Variants in FMNL2 observed in about 807,000 individuals in gnomAD.
FMNL2 encodes formin-like protein 2.
Under a neutral mutation model 130.2 loss-of-function variants are expected in FMNL2, and 51 were observed. The observed-to-expected ratio is 0.39, with a 90% CI of 0.31 to 0.49. The LOEUF (loss-of-function observed/expected upper bound fraction) is 0.49. Ranked by LOEUF, FMNL2 falls within the 20% of genes least tolerant of loss-of-function variation. FMNL2 has a pLI of 0.85. For synonymous variants in FMNL2, 465 were observed against 467.1 expected, an observed-to-expected ratio of 1.00 and a Z score of 0.06; for missense variants, 977 against 1,316.2, an observed-to-expected ratio of 0.74 and a Z score of 3.99.
At chr2:152,594,946 A>G (rs1257823131) in intron 9 of FMNL2, among the ~76,000 whole-genome samples, 2 of 152,202 alleles carry the variant, frequency 1.3e-5, no homozygotes, top group Non-Finnish European at 2.9e-5. Flanking sequence ...GTCACCCTTC[A>G]TCTTGCAGTT....
intron 6 of FMNL2, among the ~76,000 whole-genome samples, chr2:152,572,983 C>G (rs185865347): frequency 6.6e-6 from 1 of 152,002 alleles, no homozygotes; most frequent in African/African-American, 2.4e-5. Context: ...TAAGTTGAGT[C>G]CTTTGAAAGT....
intron 1 of FMNL2, among the ~76,000 whole-genome samples, chr2:152,470,880 C>T (rs1282414448): frequency 6.6e-6 from 1 of 152,176 alleles, no homozygotes; most frequent in Admixed American, 6.5e-5. Context: ...AAATATGGTT[C>T]TCATTTGAAA....
chr2:152,521,099 A>G (rs1693061805), intron 1 of FMNL2, among the ~76,000 whole-genome samples: 1 of 152,318 alleles, frequency 6.6e-6, no homozygotes, highest in African/African-American at 2.4e-5. Flanking sequence ...AAAAGAATAG[A>G]TCTGAATTCT....
Position 152,395,987 on chromosome 2 carries a change from G to A in FMNL2, c.117+60267G>A, listed in dbSNP as rs1685373158. Reference sequence around the variant, plus strand: ...TAATTCTTAAGAGCTGCTGTCTTTCGACAGAGTCAGAAAGTCCTTGCTTAA... The same window carrying A: ...TAATTCTTAAGAGCTGCTGTCTTTCAACAGAGTCAGAAAGTCCTTGCTTAA... On this transcript the variant is annotated intron_variant, in intron 1 of 25. Coordinates refer to ENST00000288670, the MANE Select transcript of FMNL2 (RefSeq NM_052905.4). Among the ~76,000 whole-genome samples, 4 of 152,298 alleles carry A rather than the reference G, an allele frequency of 2.6e-5. No individual in the cohort carries two copies. In the South Asian group the frequency reaches 8.3e-4, roughly 32 times the overall value.
chr2:152,427,684 G>A (rs1207758020), intron 1 of FMNL2, among the ~76,000 whole-genome samples: 2 of 152,000 alleles, frequency 1.3e-5, no homozygotes, highest in South Asian at 4.2e-4. Flanking sequence ...TTTCAAAAGG[G>A]TAGAACATGG....
At chr2:152,579,906 A>G (rs550918967) in intron 8 of FMNL2, among the ~76,000 whole-genome samples, 86 of 152,308 alleles carry the variant, frequency 5.6e-4, no homozygotes, top group African/African-American at 1.9e-3. Context: ...TTTTCATCCA[A>G]TACCTCTCTG....
chr2:152,432,000 A>T (rs912376420), intron 1 of FMNL2, among the ~76,000 whole-genome samples: 2 of 140,140 alleles, frequency 1.4e-5, no homozygotes, highest in African/African-American at 5.4e-5. Context: ...TGAAAATTTA[A>T]ATCTTGAGAA....
chr2:152,564,776 G>GTTTTTTTTTTTTTTTT (rs56378937), intron 6 of FMNL2, among the ~76,000 whole-genome samples: 2 of 79,324 alleles, frequency 2.5e-5, no homozygotes, highest in African/African-American at 4.8e-5. Flanking sequence ...TACAAGGTTG[G>GTTTTTTTTTTTTTTTT]TTTTTTTTTT....
rs1303786826 is a variant in FMNL2 at position 152,636,409 on chromosome 2, G to A, written c.2681-18G>A. 6.2e-7 allele frequency: 1 copy of A among 1,603,994 alleles called. No homozygotes were observed. Among genetic ancestry groups the A allele is most frequent in the Non-Finnish European group, 8.5e-7 (1 of 1,174,500 alleles). On this transcript the variant is annotated intron_variant, in intron 21 of 25. Transcript: ENST00000288670. ...CTTCCCCATTGAGTTTCACTGGGATGTTCTTTCTCTGCTTTAGTCTCCCTT... is the reference window on the plus strand; with the variant it reads ...CTTCCCCATTGAGTTTCACTGGGATATTCTTTCTCTGCTTTAGTCTCCCTT...
intron 1 of FMNL2, among the ~76,000 whole-genome samples, chr2:152,397,499 A>T (rs1685462403): frequency 6.6e-6 from 1 of 152,216 alleles, no homozygotes; most frequent in Non-Finnish European, 1.5e-5. Flanking sequence ...AGTATGTTTT[A>T]AGAAAATAAA....
intron 1 of FMNL2, among the ~76,000 whole-genome samples, chr2:152,481,413 C>G (rs1690513932): frequency 6.6e-6 from 1 of 152,210 alleles, no homozygotes; most frequent in South Asian, 2.1e-4. Context: ...ATAGCACTTT[C>G]AACAGCCAAA....
In FMNL2 at chr2:152,385,335, G is replaced by A. The variant is rs565402924; in HGVS notation, c.117+49615G>A. Among the ~76,000 whole-genome samples the A allele has an allele frequency of 3.3e-5, 5 of 152,330 alleles. No homozygotes were observed. The East Asian group carries it at 9.7e-4, about 29-fold the overall frequency. ...TCCCATTCATAGAAGGCAGTTTGTA[G>A]GGAGGGAGGCTGGGGATGGGAAAAT... On this transcript the variant is annotated intron_variant, in intron 1 of 25. Coordinates refer to ENST00000288670, the MANE Select transcript of FMNL2 (RefSeq NM_052905.4).
intron 2 of FMNL2, among the ~76,000 whole-genome samples, chr2:152,537,113 G>A (rs879941611): frequency 2.6e-5 from 4 of 152,206 alleles, no homozygotes; most frequent in African/African-American, 4.8e-5. Flanking sequence ...AGTTCAGCTT[G>A]TTAGAAAGAA....
At chr2:152,401,898 CTTTTTTTTT>C (rs70974858) in intron 1 of FMNL2, among the ~76,000 whole-genome samples, 1 of 78,556 alleles carries the variant, frequency 1.3e-5, no homozygotes, top group African/African-American at 5.3e-5. Context: ...TGTGTTTAAT[CTTTTTTTTT>C]TTTTTTTTTT....
intron 2 of FMNL2, among the ~76,000 whole-genome samples, chr2:152,528,293 C>T (rs536334576): frequency 5.3e-5 from 8 of 152,286 alleles, no homozygotes; most frequent in South Asian, 4.1e-4. Flanking sequence ...TAGCGTCCTA[C>T]GGCTGCCATA....
intron 9 of FMNL2, among the ~76,000 whole-genome samples, chr2:152,590,818 A>G (rs1185599231): frequency 6.6e-6 from 1 of 151,920 alleles, no homozygotes; most frequent in African/African-American, 2.4e-5. Context: ...ATGTGTGCAC[A>G]GTAATAAGCC....
chr2:152,641,686 C>T (rs1683094945), intron 25 of FMNL2, among the ~76,000 whole-genome samples: 1 of 152,184 alleles, frequency 6.6e-6, no homozygotes, highest in African/African-American at 2.4e-5. Context: ...CAATTACGAA[C>T]TCATGGCCAA....
At chr2:152,390,713 T>G in intron 1 of FMNL2, 1 of 720,974 alleles carries the variant, frequency 1.4e-6, no homozygotes. Context: ...CTCTGGCCCT[T>G]GTGAGCCTCA....
intron 1 of FMNL2, among the ~76,000 whole-genome samples, chr2:152,349,231 G>C (rs935390121): frequency 1.2e-4 from 19 of 152,194 alleles, no homozygotes; most frequent in African/African-American, 4.6e-4. Flanking sequence ...TCCAGTCCTA[G>C]GTCTTCATAC....
Sources: gnomAD v4.1 joint callset for allele counts (sites outside exome capture counted in the v4.1 genomes callset) on GRCh38, gnomAD v4.1.1 for gene constraint, MANE v1.5 for transcripts, NCBI Gene and HGNC (gene_info 2026-07-23, HGNC 2026-07-21) for gene names.